Variants in PCDH15 observed in about 807,000 individuals in gnomAD.
PCDH15 encodes protocadherin-15.
In PCDH15, 129 loss-of-function variants were observed where a neutral mutation model predicts 178.5. The ratio of observed to expected loss-of-function variants is 0.72; its 90% CI spans 0.63 to 0.84. The LOEUF (loss-of-function observed/expected upper bound fraction) is 0.84. Among genes scored for constraint, PCDH15 ranks in the 40% least tolerant of loss-of-function variants. The probability of loss-of-function intolerance (pLI) is 0.00; values close to 1 mark genes in which losing one functional copy is unlikely to be tolerated. For missense variants in PCDH15, 2,230 were observed against 2,099.9 expected (o/e 1.06, Z -1.21); for synonymous variants, 800 against 732.0 (o/e 1.09, Z -1.50).
intron 1 of PCDH15, among the ~76,000 whole-genome samples, chr10:55,230,001 A>G (rs1841164652): frequency 6.6e-6 from 1 of 152,062 alleles, no homozygotes; most frequent in African/African-American, 2.4e-5. Context: ...GCTATTTTAT[A>G]TAGTGTTTGG....
At chr10:55,258,102 G>A (rs1398172853) in intron 1 of PCDH15, among the ~76,000 whole-genome samples, 1 of 152,154 alleles carries the variant, frequency 6.6e-6, no homozygotes, top group Middle Eastern at 3.2e-3. Flanking sequence ...GTTAAAGTTG[G>A]ACAGGTAAAA....
intron 17 of PCDH15, among the ~76,000 whole-genome samples, chr10:54,077,705 C>T (rs1471709853): frequency 6.7e-6 from 1 of 150,060 alleles, no homozygotes; most frequent in Non-Finnish European, 1.5e-5. Context: ...TCAAGTTCTT[C>T]AATTACTTCC....
chr10:55,216,998 C>T (rs1340923970), intron 1 of PCDH15, among the ~76,000 whole-genome samples: 1 of 151,916 alleles, frequency 6.6e-6, no homozygotes, highest in Non-Finnish European at 1.5e-5. Flanking sequence ...TGTTTGCATA[C>T]AGTTTGGTAT....
chr10:54,020,235 C>T lies in PCDH15; in HGVS notation c.2708G>A (p.Gly903Glu). The change falls in exon 20 of 38, where the codon GGA (glycine) becomes GAA (glutamate). Residue 903 changes from glycine to glutamate, a missense_variant. Coordinates refer to ENST00000644397, the MANE Select transcript of PCDH15 (RefSeq NM_001384140.1). Reference sequence around the variant, plus strand: ...AGTAGCAATACCAGGTGGCATTGTTCCATAAATATCAAAGGCCTCTACCAG... The same window carrying T: ...AGTAGCAATACCAGGTGGCATTGTTTCATAAATATCAAAGGCCTCTACCAG... Reference protein sequence around the residue: ...TFLVEAFDIYGTMPPGIATVT... With the variant: ...TFLVEAFDIYETMPPGIATVT... 1.2e-6 allele frequency: 2 copies of T among 1,613,662 alleles called. No homozygotes were observed. The highest frequency in any genetic ancestry group is 1.7e-5 in the Admixed American group (1 of 59,938).
At chr10:55,386,918 A>T (rs919093040) in intron 2 of PCDH15, among the ~76,000 whole-genome samples, 1 of 152,066 alleles carries the variant, frequency 6.6e-6, no homozygotes, top group Non-Finnish European at 1.5e-5. Flanking sequence ...TATAATTTTT[A>T]TTTCCTCACT....
chr10:54,277,917 C>T (rs920467119), intron 8 of PCDH15, among the ~76,000 whole-genome samples: 1 of 151,266 alleles, frequency 6.6e-6, no homozygotes, highest in East Asian at 1.9e-4. Flanking sequence ...ATATCAATTA[C>T]CTGAAATGAA....
At chr10:53,941,260 C>T (rs551023706) in intron 23 of PCDH15, among the ~76,000 whole-genome samples, 29 of 152,162 alleles carry the variant, frequency 1.9e-4, no homozygotes, top group African/African-American at 3.6e-4. Flanking sequence ...GGCATGTATC[C>T]GCTTTCATGT....
At chr10:54,766,118 G>GA (rs912927048) in intron 1 of PCDH15, among the ~76,000 whole-genome samples, 22 of 151,724 alleles carry the variant, frequency 1.5e-4, no homozygotes, top group African/African-American at 5.1e-4. Context: ...TCTGGAATAA[G>GA]AAAAAAATAC....
chr10:54,267,492 T>G (rs1279295834), intron 8 of PCDH15, among the ~76,000 whole-genome samples: 1 of 151,906 alleles, frequency 6.6e-6, no homozygotes, highest in African/African-American at 2.4e-5. Context: ...TTTTATTTCT[T>G]CACTGATGAT....
intron 15 of PCDH15, among the ~76,000 whole-genome samples, chr10:54,131,918 G>A (rs1197310172): frequency 6.6e-6 from 1 of 152,142 alleles, no homozygotes; most frequent in Non-Finnish European, 1.5e-5. Context: ...GTGACAGGGT[G>A]TTAATATTCG....
rs112706858 is a variant in PCDH15, at chr10:54,667,681, T to C, written c.-28-3391A>G. 1.7e-3 allele frequency among the ~76,000 whole-genome samples: 256 copies of C among 152,206 alleles called. 3 individuals carry two copies. The highest frequency in any genetic ancestry group is 5.7e-3 in the African/African-American group (239 of 41,566). ...CAAATCCCACATCAAACTCTTTCCATGTTCCCCGAGTATATATTTTTCCTA... is the reference window on the plus strand; with the variant it reads ...CAAATCCCACATCAAACTCTTTCCACGTTCCCCGAGTATATATTTTTCCTA... On this transcript the variant is annotated intron_variant, in intron 1 of 37. Transcript: ENST00000644397.
intron 2 of PCDH15, among the ~76,000 whole-genome samples, chr10:55,157,838 G>A (rs12773719): frequency 0.4 from 60,792 of 151,504 alleles, 12,867 homozygotes; most frequent in African/African-American, 0.54. Context: ...ATAGCATTAG[G>A]AGATATACCT....
chr10:54,090,243 C>T (rs2094577577), intron 15 of PCDH15, among the ~76,000 whole-genome samples, 180 bp from the exon 16 acceptor site: 1 of 152,206 alleles, frequency 6.6e-6, no homozygotes, highest in Non-Finnish European at 1.5e-5. Flanking sequence ...TGATCCATTT[C>T]TGAATATGTA....
At chr10:54,597,759 C>T (rs917579749) in intron 2 of PCDH15, among the ~76,000 whole-genome samples, 13 of 151,718 alleles carry the variant, frequency 8.6e-5, no homozygotes, top group African/African-American at 2.7e-4. Flanking sequence ...AAGAAGAAAA[C>T]AGAGAAGATC....
At chr10:54,107,864 C>T (rs2094945430) in intron 15 of PCDH15, among the ~76,000 whole-genome samples, 1 of 152,218 alleles carries the variant, frequency 6.6e-6, no homozygotes. Context: ...AAAAGGAGGT[C>T]ATTCAAGATG....
rs1028632011 is a variant in PCDH15, at chr10:53,806,370, G to T, written c.*209C>A. 1.4e-5 allele frequency: 7 copies of T among 509,926 alleles called. No individual in the cohort carries two copies. The highest frequency in any genetic ancestry group is 2.4e-5 in the Non-Finnish European group (7 of 292,588). 31.6% of individuals were successfully genotyped at this position (509,926 alleles called of 1,614,324 possible). A position where few individuals can be genotyped will look rare whatever the true frequency, so the allele number is the denominator to read the frequency against. On this transcript the variant is annotated 3_prime_UTR_variant, in exon 38 of 38. Coordinates refer to ENST00000644397, the MANE Select transcript of PCDH15 (RefSeq NM_001384140.1). ...TTAAACGATAGGTTATTTAGTGAAA[G>T]TATGTCCAAAAGGATTTTCTGGGAA...
chr10:54,181,343 C>T (rs754351275), intron 13 of PCDH15, among the ~76,000 whole-genome samples: 1 of 152,062 alleles, frequency 6.6e-6, no homozygotes, highest in Non-Finnish European at 1.5e-5. Context: ...CTTTCATCTT[C>T]AAATAAGCAT....
At chr10:53,951,528 T>C (rs1167605614) in intron 23 of PCDH15, among the ~76,000 whole-genome samples, 1 of 152,204 alleles carries the variant, frequency 6.6e-6, no homozygotes, top group Non-Finnish European at 1.5e-5. Flanking sequence ...GTTATATCTT[T>C]GTCAAAAATA....
chr10:54,780,718 G>A (rs1950272403), intron 1 of PCDH15, among the ~76,000 whole-genome samples: 1 of 133,342 alleles, frequency 7.5e-6, no homozygotes, highest in Non-Finnish European at 1.6e-5. Flanking sequence ...CTCATCAGGT[G>A]ATAAAGCAAT....
Sources: allele counts gnomAD v4.1 joint callset (sites outside exome capture counted in the v4.1 genomes callset), GRCh38; gene constraint gnomAD v4.1.1; transcripts MANE v1.5; gene names NCBI Gene and HGNC (gene_info 2026-07-23, HGNC 2026-07-21).